GRID1: variants seen among roughly 807,000 people sequenced by gnomAD.
GRID1 encodes the protein glutamate ionotropic receptor delta type subunit 1, also known as glutamate receptor ionotropic, delta-1.
A neutral mutation model predicts 98.0 loss-of-function variants in GRID1; 28 were observed. That is an observed-to-expected ratio of 0.29 (90% confidence interval 0.21 to 0.39). The LOEUF is 0.39. Ranked by LOEUF, GRID1 falls within the 10% of genes least tolerant of loss-of-function variation. The pLI is 1.00. For missense variants in GRID1, 1,111 were observed against 1,340.5 expected (o/e 0.83, Z 2.67); for synonymous variants, 553 against 538.5 (o/e 1.03, Z -0.37).
intron 4 of GRID1, among the ~76,000 whole-genome samples, chr10:85,981,443 G>A (rs1327311667): frequency 2.0e-5 from 3 of 152,188 alleles, no homozygotes; most frequent in African/African-American, 7.2e-5. Context: ...CTTCACAAGG[G>A]CTACAATGCC....
At chr10:85,991,536 A>G (rs2131868325) in intron 4 of GRID1, among the ~76,000 whole-genome samples, 1 of 151,946 alleles carries the variant, frequency 6.6e-6, no homozygotes, top group East Asian at 1.9e-4. Flanking sequence ...GGGGAGGTGG[A>G]CAGTGGGAGT....
chr10:85,632,309 A>G (rs1842985007), intron 13 of GRID1, among the ~76,000 whole-genome samples: 1 of 152,196 alleles, frequency 6.6e-6, no homozygotes, highest in South Asian at 2.1e-4. Flanking sequence ...ATTCAAGAAT[A>G]AATAAAATAC....
intron 5 of GRID1, among the ~76,000 whole-genome samples, chr10:85,901,939 T>C (rs1370757335): frequency 2.0e-5 from 3 of 152,208 alleles, no homozygotes; most frequent in Non-Finnish European, 2.9e-5. Flanking sequence ...AATAGATCTA[T>C]TGTGATTAAC....
intron 4 of GRID1, among the ~76,000 whole-genome samples, chr10:85,990,864 CT>C (rs142590501): frequency 1.8e-4 from 27 of 151,882 alleles, no homozygotes; most frequent in Admixed American, 1.4e-3. Flanking sequence ...AATATAAAGA[CT>C]TTTTTTTTCC....
At chr10:86,225,145 G>C (rs1215873195) in intron 2 of GRID1, among the ~76,000 whole-genome samples, 3 of 152,192 alleles carry the variant, frequency 2.0e-5, no homozygotes, top group Non-Finnish European at 2.9e-5. Context: ...TGAAGACAGA[G>C]GGGCGGGGAG....
At position 85,727,867 on chromosome 10, in the gene GRID1, C is replaced by G. The variant is rs763737455; in HGVS notation, c.1521G>C (p.Glu507Asp). Reference protein sequence around the residue: ...HNTSWNGMIGELISKRADLAI... With the variant: ...HNTSWNGMIGDLISKRADLAI... ...TATGGGGACCTACCTTGCTGATGAG[C>G]TCCCCGATCATCCCGTTCCAGGAGG... Residue 507 changes from glutamate to aspartate, a missense_variant, in exon 10 of 16, where the codon GAG becomes GAC. Physicochemically the swap from Glu to Asp is conservative, Grantham distance 45. Around this residue, in one of 3 missense-constraint regions of GRID1, gnomAD observed 762 missense variants for 869.1 expected, o/e 0.88. Transcript: ENST00000327946. 6.2e-7 allele frequency: 1 copy of G among 1,613,038 alleles called. No individual in the cohort carries two copies.
At chr10:86,065,512 C>T (rs532762982) in intron 4 of GRID1, among the ~76,000 whole-genome samples, 1 of 152,368 alleles carries the variant, frequency 6.6e-6, no homozygotes, top group Admixed American at 6.5e-5. Context: ...CTGTTGCATG[C>T]ACTCCCCTGC....
At chr10:85,959,585 G>T (rs982769613) in intron 4 of GRID1, among the ~76,000 whole-genome samples, 1 of 139,992 alleles carries the variant, frequency 7.1e-6, no homozygotes, top group African/African-American at 2.7e-5. Context: ...CTCAAGATCA[G>T]ATTCACTTTT....
chr10:86,320,472 C>G lies in GRID1; in HGVS notation c.235+43469G>C, dbSNP rs528428432. Among the ~76,000 whole-genome samples the G allele has an allele frequency of 2.6e-5, 4 of 152,180 alleles. No individual in the cohort carries two copies. In the South Asian group the frequency reaches 8.3e-4, roughly 32 times the overall value. On this transcript the variant is annotated intron_variant, in intron 2 of 15. Transcript: ENST00000327946. ...ATATGATTCCACTTGTATGAAATAT[C>G]TGGAGTAGTCAAAGTCAGAAGGAGA...
intron 4 of GRID1, among the ~76,000 whole-genome samples, chr10:85,993,251 T>C (rs1842703236): frequency 6.6e-6 from 1 of 152,008 alleles, no homozygotes; most frequent in Non-Finnish European, 1.5e-5. Context: ...GTGGGCAGAA[T>C]CTGTGCAGGT....
chr10:85,989,600 G>T (rs1370014411), intron 4 of GRID1, among the ~76,000 whole-genome samples: 1 of 152,186 alleles, frequency 6.6e-6, no homozygotes, highest in Non-Finnish European at 1.5e-5. Context: ...GACAGATCTA[G>T]GTTGTGCACT....
At chr10:86,091,520 C>T (rs895753750) in intron 4 of GRID1, among the ~76,000 whole-genome samples, 3 of 152,008 alleles carry the variant, frequency 2.0e-5, no homozygotes, top group Admixed American at 1.3e-4. Context: ...ACGCCTAGCC[C>T]CGCCCCCACC....
intron 2 of GRID1, among the ~76,000 whole-genome samples, chr10:86,266,237 G>A (rs1396456828): frequency 2.0e-5 from 3 of 151,752 alleles, no homozygotes; most frequent in African/African-American, 7.3e-5. Flanking sequence ...TATGACCCCA[G>A]CTATGACTCC....
intron 2 of GRID1, among the ~76,000 whole-genome samples, chr10:86,221,400 A>G (rs1846252407): frequency 6.6e-6 from 1 of 152,170 alleles, no homozygotes; most frequent in African/African-American, 2.4e-5. Context: ...GAAACCCCCC[A>G]CAAAACTCCT....
chr10:86,249,526 T>C (rs908194925), intron 2 of GRID1, among the ~76,000 whole-genome samples: 7 of 152,196 alleles, frequency 4.6e-5, no homozygotes, highest in African/African-American at 1.7e-4. Context: ...TTTGAGGGTC[T>C]TGACTACCAC....
chr10:86,236,579 C>T (rs187391196), intron 2 of GRID1, among the ~76,000 whole-genome samples: 6 of 152,346 alleles, frequency 3.9e-5, no homozygotes, highest in East Asian at 1.9e-4. Flanking sequence ...TAGGCCATTC[C>T]GGCATCCCCA....
chr10:85,707,969 C>A (rs1302120889), intron 12 of GRID1, among the ~76,000 whole-genome samples: 1 of 148,558 alleles, frequency 6.7e-6, no homozygotes, highest in Admixed American at 6.7e-5. Context: ...GTTGTGGGGT[C>A]GGGGGTGTGG....
intron 4 of GRID1, among the ~76,000 whole-genome samples, chr10:86,060,664 G>C (rs574824689): frequency 1.9e-4 from 29 of 152,330 alleles, no homozygotes; most frequent in African/African-American, 6.7e-4. Context: ...GCCTGGACTG[G>C]TTTCAGCACA....
chr10:86,295,759 C>T (rs1847580002), intron 2 of GRID1, among the ~76,000 whole-genome samples: 1 of 152,176 alleles, frequency 6.6e-6, no homozygotes, highest in Non-Finnish European at 1.5e-5. Context: ...ATATCCCCAG[C>T]ATCTAACGAC....
Sources: gnomAD v4.1 joint callset for allele counts (sites outside exome capture counted in the v4.1 genomes callset) on GRCh38, gnomAD v4.1.1 for gene constraint, gnomAD v4.1.1 regional missense constraint, MANE v1.5 for transcripts, NCBI Gene and HGNC (gene_info 2026-07-23, HGNC 2026-07-21) for gene names.